LAMA4: variants seen among roughly 807,000 people sequenced by gnomAD.
LAMA4 encodes the protein laminin subunit alpha-4.
A neutral mutation model predicts 207.1 loss-of-function variants in LAMA4; 127 were observed. The ratio of observed to expected loss-of-function variants is 0.61; its 90% confidence interval spans 0.53 to 0.71. The LOEUF is 0.71. Among genes scored for constraint, LAMA4 ranks in the 30% least tolerant of loss-of-function variants. The pLI is 0.00. For synonymous variants in LAMA4, 761 were observed against 816.0 expected (o/e 0.93, Z 1.15); for missense variants, 2,093 against 2,246.5 (o/e 0.93, Z 1.38).
At chr6:112,198,879 A>G (rs1554351300) in intron 5 of LAMA4, among the ~76,000 whole-genome samples, 1 of 152,114 alleles carries the variant, frequency 6.6e-6, no homozygotes, top group East Asian at 1.9e-4. Context: ...ATTATCTCAT[A>G]ACAGTTTTAT....
intron 16 of LAMA4, among the ~76,000 whole-genome samples, chr6:112,154,251 G>A (rs112439168): frequency 6.6e-6 from 1 of 150,874 alleles, no homozygotes; most frequent in Non-Finnish European, 1.5e-5. Context: ...CTCACCCTTG[G>A]ATGTGCACAC....
At chr6:112,159,066 G>T in intron 13 of LAMA4, 186 bp from the exon 14 acceptor site, 1 of 577,356 alleles carries the variant, frequency 1.7e-6, no homozygotes, top group South Asian at 2.1e-5. Flanking sequence ...TCTTTCTTCT[G>T]TATTGATTGC....
intron 11 of LAMA4, among the ~76,000 whole-genome samples, chr6:112,174,616 C>G (rs1781912503): frequency 6.6e-6 from 1 of 152,198 alleles, no homozygotes; most frequent in Non-Finnish European, 1.5e-5. Context: ...CCTCAGCCTC[C>G]CTAGTAGCTG....
In LAMA4 at chr6:112,118,737, G is replaced by GTA. The variant is rs1778174619; in HGVS notation, c.4821+418_4821+419insTA. Among the ~76,000 whole-genome samples, 1 of 151,322 alleles carries GTA rather than the reference G, an allele frequency of 6.6e-6. No individual in the cohort carries two copies. The highest frequency in any genetic ancestry group is 6.6e-5 in the Admixed American group (1 of 15,174). On this transcript the variant is annotated intron_variant, in intron 34 of 38. Transcript: ENST00000230538. This position sits in a 1 kb window ranked among gnomAD's most constrained non-coding sequence, Gnocchi z 4.6. ...TGTGTGTGTATGTGTGTGTGTGTGTGTGTGTGTGTAAGAAAAATGGGATTG... is the reference window on the plus strand; with the variant it reads ...TGTGTGTGTATGTGTGTGTGTGTGTGTATGTGTGTGTAAGAAAAATGGGATTG...
chr6:112,246,924 A>G (rs950398036), intron 2 of LAMA4, among the ~76,000 whole-genome samples: 2 of 152,266 alleles, frequency 1.3e-5, no homozygotes, highest in Non-Finnish European at 2.9e-5. Flanking sequence ...GAACCATAAA[A>G]GACACAATGA....
chr6:112,250,886 A>G (rs1309055709), intron 2 of LAMA4, among the ~76,000 whole-genome samples: 1 of 152,042 alleles, frequency 6.6e-6, no homozygotes, highest in East Asian at 1.9e-4. Flanking sequence ...CATATCTACC[A>G]TATCTATATT....
intron 9 of LAMA4, chr6:112,180,021 A>G (rs1554344923): frequency 4.4e-6 from 2 of 452,882 alleles, no homozygotes; most frequent in Non-Finnish European, 4.5e-6. Flanking sequence ...TCTTAATATT[A>G]CTCCTCCCTG....
rs1162978853 is a variant in LAMA4, at chr6:112,201,731, C to G, written c.423-43G>C. ...TATTGGAAGTCAATTCCATACATCACCAAAGAGACTGTCTTAACTTTTTAT... is the reference window on the plus strand; with the variant it reads ...TATTGGAAGTCAATTCCATACATCAGCAAAGAGACTGTCTTAACTTTTTAT... On this transcript the variant is annotated intron_variant, in intron 4 of 38. Coordinates refer to ENST00000230538, the MANE Select transcript of LAMA4 (RefSeq NM_001105206.3). 4 of 1,490,946 alleles carry G rather than the reference C, an allele frequency of 2.7e-6. No individual in the cohort carries two copies. In the East Asian group the frequency reaches 6.8e-5, roughly 25 times the overall value. The allele number at this position is 1,490,946 out of a possible 1,614,324, so 92.4% of individuals were successfully genotyped here.
rs2114895889 is a variant in LAMA4 at position 112,178,209 on chromosome 6, T to C, written c.1101A>G (p.Gly367=). ...CCATGCTTTCCTTCTGAACAAGTTG[T>C]CCTTTTCTGGAGGCTTGATTTTCCT... ...VEKENQASRK[G]QLVQKESMDT... Residue 367 remains glycine, a synonymous_variant, in exon 10 of 39, where the codon GGA becomes GGG. Transcript: ENST00000230538. 1 of 1,613,830 alleles carries C rather than the reference T, an allele frequency of 6.2e-7. No homozygotes were observed. The highest frequency in any genetic ancestry group is 8.5e-7 in the Non-Finnish European group (1 of 1,179,728).
At chr6:112,183,908 G>A (rs1274400922) in intron 9 of LAMA4, among the ~76,000 whole-genome samples, 6 of 133,258 alleles carry the variant, frequency 4.5e-5, no homozygotes, top group African/African-American at 8.6e-5. Context: ...CCGAGATCAC[G>A]CCACTGCACT....
At position 112,109,509 on chromosome 6, in the gene LAMA4, T is replaced by TC; in HGVS notation, c.5399dup (p.His1801ThrfsTer7). On this transcript the variant is annotated frameshift_variant, in exon 39 of 39. Transcript: ENST00000230538. LOFTEE classifies it high-confidence loss of function. The stretch of plus-strand genomic sequence containing the variant: ...CTGCTTTACTGAAGCTCACTGGGTG[T>TC]CCATCAATCACAAAGTGGCGTATGC... The TC allele has an allele frequency of 6.2e-7, 1 of 1,614,138 alleles. No individual in the cohort carries two copies. Among genetic ancestry groups the TC allele is most frequent in the Non-Finnish European group, 8.5e-7 (1 of 1,179,990 alleles).
At chr6:112,150,822 G>T (rs117827295) in intron 16 of LAMA4, among the ~76,000 whole-genome samples, 195 bp from the exon 17 acceptor site, 1,932 of 152,274 alleles carry the variant, frequency 0.013, 20 homozygotes, top group Non-Finnish European at 0.02. Flanking sequence ...CAGAACACTT[G>T]TAATACTGCT....
intron 5 of LAMA4, among the ~76,000 whole-genome samples, chr6:112,192,177 T>C (rs1260560742): frequency 1.3e-5 from 2 of 152,194 alleles, no homozygotes; most frequent in African/African-American, 4.8e-5. Context: ...ATGCCAAAGG[T>C]ACTGCAATGA....
intron 2 of LAMA4, among the ~76,000 whole-genome samples, chr6:112,224,813 C>CAAAA (rs782785024): frequency 8.8e-5 from 6 of 67,956 alleles, no homozygotes; most frequent in African/African-American, 1.3e-4. Context: ...AAGACTGTCT[C>CAAAA]AAAAAAAAAA....
At chr6:112,137,361 T>C (rs1779415516) in intron 24 of LAMA4, among the ~76,000 whole-genome samples, 1 of 152,126 alleles carries the variant, frequency 6.6e-6, no homozygotes, top group Admixed American at 6.5e-5. Flanking sequence ...TTTATACTAA[T>C]TTAAAAAAAC....
chr6:112,203,265 G>T (rs1583880319), intron 4 of LAMA4, among the ~76,000 whole-genome samples: 1 of 152,218 alleles, frequency 6.6e-6, no homozygotes, highest in Non-Finnish European at 1.5e-5. Context: ...AAATCCTTAG[G>T]AACTTAGAGA....
intron 2 of LAMA4, chr6:112,253,711 C>CA: frequency 1.3e-6 from 2 of 1,596,280 alleles, no homozygotes; most frequent in South Asian, 2.2e-5. Context: ...CTCAGAGCAC[C>CA]AACACATGCA....
At position 112,130,990 on chromosome 6, in the gene LAMA4, T is replaced by C. The variant is rs782046057; in HGVS notation, c.3946A>G (p.Ile1316Val). The change falls in exon 29 of 39, where the codon ATT (isoleucine) becomes GTT (valine). Residue 1316 changes from isoleucine (I) to valine (V), a missense_variant. This residue lies in a region of LAMA4 where 1,704 missense variants were observed against 1,788.4 expected (regional missense o/e 0.95). Transcript: ENST00000230538. The part of the protein sequence containing the change: ...QYNDGLSHFV[I>V]SSVSPTRYEL... Reference sequence around the variant, plus strand: ...TACCTTGTGGGTGAGACAGAGCTAATGACGAAGTGGGACAGCCCATCATTG... The same window carrying C: ...TACCTTGTGGGTGAGACAGAGCTAACGACGAAGTGGGACAGCCCATCATTG... 1 of 1,613,230 alleles carries C rather than the reference T, an allele frequency of 6.2e-7. No individual in the cohort carries two copies. The highest frequency in any genetic ancestry group is 8.5e-7 in the Non-Finnish European group (1 of 1,179,318).
chr6:112,130,049 GA>G lies in LAMA4; in HGVS notation c.3969-10del. The G allele has an allele frequency of 6.2e-7, 1 of 1,611,728 alleles. No individual in the cohort carries two copies. Among genetic ancestry groups the G allele is most frequent in the Non-Finnish European group, 8.5e-7 (1 of 1,178,726 alleles). On this transcript the variant is annotated splice_polypyrimidine_tract_variant and intron_variant, in intron 29 of 38. Transcript: ENST00000230538. ...CTACTATCAGTTCATATCTGCAAAA[GA>G]AAAAGGCTTCTTTACATACCACAGA...
Sources: gnomAD v4.1 joint callset for allele counts (sites outside exome capture counted in the v4.1 genomes callset) on GRCh38, gnomAD v4.1.1 for gene constraint, gnomAD v4.1.1 regional missense constraint, Gnocchi (gnomAD v3.1) non-coding constraint, MANE v1.5 for transcripts, NCBI Gene and HGNC (gene_info 2026-07-23, HGNC 2026-07-21) for gene names.